KIAA2012: variants seen among roughly 807,000 people sequenced by gnomAD.
The protein encoded by KIAA2012 is KIAA2012, also known as uncharacterized protein KIAA2012.
In KIAA2012, 125 loss-of-function variants were observed where a neutral mutation model predicts 150.6. The ratio of observed to expected loss-of-function variants is 0.83; its 90% CI spans 0.72 to 0.96. The LOEUF is 0.96. Among genes scored for constraint, KIAA2012 ranks in the 40% least tolerant of loss-of-function variants. The probability of loss-of-function intolerance (pLI) is 0.00; values close to 1 mark genes in which losing one functional copy is unlikely to be tolerated. For missense variants in KIAA2012, 1,219 were observed against 1,354.9 expected (o/e 0.90, Z 1.57); for synonymous variants, 462 against 504.7 (o/e 0.92, Z 1.13).
At chr2:202,135,906 G>T in intron 12 of KIAA2012, 1 of 193,966 alleles carries the variant, frequency 5.2e-6, no homozygotes, top group Non-Finnish European at 1.1e-5. Context: ...TCTGGGTCCT[G>T]GTCTTGTGTT....
chr2:202,186,808 T>C (rs1353429675), intron 16 of KIAA2012, 125 bp from the exon 17 acceptor site: 2 of 833,000 alleles, frequency 2.4e-6, no homozygotes, highest in Non-Finnish European at 3.6e-6. Flanking sequence ...AAGAGTTGAC[T>C]AAGTATGTCA....
intron 21 of KIAA2012, 53 bp downstream of exon 21, chr2:202,194,415 CTT>C (rs1449043958): frequency 6.5e-7 from 1 of 1,537,046 alleles, no homozygotes; most frequent in Non-Finnish European, 8.8e-7. Context: ...GGCAGAAACA[CTT>C]TTATCCAGCT....
chr2:202,106,339 C>A (rs1690189233), intron 9 of KIAA2012, among the ~76,000 whole-genome samples: 1 of 152,136 alleles, frequency 6.6e-6, no homozygotes, highest in South Asian at 2.1e-4. Context: ...TATTTTTAAA[C>A]AATGAAATTT....
At position 202,186,997 on chromosome 2, in the gene KIAA2012, G is replaced by C. The variant is rs911011272; in HGVS notation, c.2275G>C (p.Glu759Gln). Residue 759 changes from glutamate to glutamine, a missense_variant, in exon 17 of 24, where the codon GAG becomes CAG. Transcript: ENST00000498697. ...TCTGGGATACGGGCCTGAGTCACCCGAGAGGTTGAGTGCTGTGTATACATC... is the reference window on the plus strand; with the variant it reads ...TCTGGGATACGGGCCTGAGTCACCCCAGAGGTTGAGTGCTGTGTATACATC... Reference protein sequence around the residue: ...GLLGYGPESPERLSAVYTSLL... With the variant: ...GLLGYGPESPQRLSAVYTSLL... The C allele has an allele frequency of 2.6e-6, 4 of 1,550,492 alleles. No individual in the cohort carries two copies. Among genetic ancestry groups the C allele is most frequent in the Non-Finnish European group, 2.6e-6 (3 of 1,147,002 alleles).
chr2:202,131,606 A>G (rs997808587), intron 12 of KIAA2012, among the ~76,000 whole-genome samples: 1 of 152,248 alleles, frequency 6.6e-6, no homozygotes, highest in East Asian at 1.9e-4. Context: ...GTTGAGAGCT[A>G]TGAACGAGTT....
At chr2:202,143,168 T>C (rs1164342810) in intron 13 of KIAA2012, among the ~76,000 whole-genome samples, 1 of 144,724 alleles carries the variant, frequency 6.9e-6, no homozygotes, top group African/African-American at 2.6e-5. Flanking sequence ...CACTGCAACC[T>C]CCGCCTCCAG....
intron 2 of KIAA2012, among the ~76,000 whole-genome samples, chr2:202,086,468 C>T (rs1689574611): frequency 6.6e-6 from 1 of 152,196 alleles, no homozygotes; most frequent in Admixed American, 6.5e-5. Context: ...TATCATATGA[C>T]TGAGTGAAAA....
intron 23 of KIAA2012, among the ~76,000 whole-genome samples, chr2:202,202,922 G>C (rs1261984575): frequency 6.8e-6 from 1 of 146,806 alleles, no homozygotes; most frequent in Non-Finnish European, 1.5e-5. Context: ...GTGGGACCCT[G>C]TCTCTTAAGA....
chr2:202,156,986 T>G (rs1286180111), intron 14 of KIAA2012, among the ~76,000 whole-genome samples: 2 of 152,206 alleles, frequency 1.3e-5, no homozygotes, highest in African/African-American at 4.8e-5. Flanking sequence ...GTATTACACT[T>G]TTTTTGTCCA....
In KIAA2012 at chr2:202,132,759, TATATATAC is replaced by T. The variant is rs1349918041; in HGVS notation, c.1832-5657_1832-5650del. On this transcript the variant is annotated intron_variant, in intron 12 of 23. Transcript: ENST00000498697. ...TATGTATATATATAGTATATATGTA[TATATATAC>T]ATATATACATATATATATGCGTATA... 8.0e-3 allele frequency among the ~76,000 whole-genome samples: 996 copies of T among 123,946 alleles called. 33 individuals are homozygous for T. The highest frequency in any genetic ancestry group is 0.023 in the African/African-American group (794 of 33,974). The allele number at this position is 123,946 out of a possible 152,430, so 81.3% of individuals were successfully genotyped here.
intron 4 of KIAA2012, among the ~76,000 whole-genome samples, chr2:202,096,983 G>C (rs1420171369): frequency 1.3e-5 from 2 of 152,120 alleles, no homozygotes; most frequent in Admixed American, 6.6e-5. Context: ...GAGATAGCCC[G>C]GGAATCCCAA....
intron 22 of KIAA2012, among the ~76,000 whole-genome samples, chr2:202,199,806 A>G (rs1367899928): frequency 6.6e-6 from 1 of 152,120 alleles, no homozygotes; most frequent in Non-Finnish European, 1.5e-5. Flanking sequence ...GAGTGGCTGC[A>G]TCAGACACTC....
chr2:202,107,658 G>A (rs1419409991), intron 9 of KIAA2012, among the ~76,000 whole-genome samples: 1 of 152,036 alleles, frequency 6.6e-6, no homozygotes. Flanking sequence ...GAAGCCCCTT[G>A]GTATAAATTA....
intron 4 of KIAA2012, among the ~76,000 whole-genome samples, chr2:202,096,117 T>A (rs1379975824): frequency 6.6e-6 from 1 of 152,140 alleles, no homozygotes; most frequent in East Asian, 1.9e-4. Context: ...AGAGACTATT[T>A]AGTAAGTTTC....
chr2:202,127,665 G>A (rs1690829286), intron 12 of KIAA2012, among the ~76,000 whole-genome samples: 2 of 152,172 alleles, frequency 1.3e-5, no homozygotes, highest in Non-Finnish European at 2.9e-5. Context: ...TGGAGAGAAC[G>A]TTTTGATCCT....
At position 202,100,352 on chromosome 2, in the gene KIAA2012, T is replaced by C; in HGVS notation, c.1058T>C (p.Leu353Ser). ...VKLHKARSSH[L>S]LQVLPAERSL... is the part of the protein sequence containing the mutation. The stretch of plus-strand genomic sequence containing the variant: ...CTCCACAAGGCCAGAAGCAGCCACT[T>C]GTTACAGGTGCTTCCTGCTGAAAGA... The change falls in exon 7 of 24, where the codon TTG (leucine) becomes TCG (serine). Residue 353 changes from leucine to serine, a missense_variant. Transcript: ENST00000498697. The C allele has an allele frequency of 6.4e-7, 1 of 1,550,594 alleles. No individual in the cohort carries two copies. The highest frequency in any genetic ancestry group is 8.7e-7 in the Non-Finnish European group (1 of 1,146,966).
Position 202,188,232 on chromosome 2 carries a change from A to G in KIAA2012, c.2457A>G (p.Glu819=), listed in dbSNP as rs1250368582. ...CCAAAGGACCCAAAAGCGAGAGAGAAGGAAAGGTCTACGGGCAAGCAGAGG... is the reference window on the plus strand; with the variant it reads ...CCAAAGGACCCAAAAGCGAGAGAGAGGGAAAGGTCTACGGGCAAGCAGAGG... The part of the protein sequence containing the change: ...DKTKGPKSER[E]GKVYGQAEAA... The change falls in exon 18 of 24, where the codon GAA becomes GAG. Residue 819 remains glutamate (E), a synonymous_variant. Coordinates refer to ENST00000498697, the MANE Select transcript of KIAA2012 (RefSeq NM_001277372.4). The G allele has an allele frequency of 1.3e-6, 2 of 1,550,492 alleles. No individual in the cohort carries two copies. Among genetic ancestry groups the G allele is most frequent in the Admixed American group, 3.9e-5 (2 of 50,964 alleles).
intron 12 of KIAA2012, chr2:202,137,315 C>CT (rs11336637): frequency 0.032 from 3,848 of 122,072 alleles, 90 homozygotes; most frequent in Non-Finnish European, 0.046. Context: ...ATTAAAGTTA[C>CT]TTTTTTTTTT....
intron 19 of KIAA2012, 111 bp downstream of exon 19, chr2:202,190,604 C>T (rs1559233689): frequency 1.3e-6 from 1 of 791,728 alleles, no homozygotes; most frequent in East Asian, 2.7e-5. Flanking sequence ...AACAGCTCGA[C>T]CACCTAATGG....
Sources: gnomAD v4.1 joint callset for allele counts (sites outside exome capture counted in the v4.1 genomes callset) on GRCh38, gnomAD v4.1.1 for gene constraint, MANE v1.5 for transcripts, NCBI Gene and HGNC (gene_info 2026-07-23, HGNC 2026-07-21) for gene names.